The following DENND6A variants were observed in gnomAD, a reference collection of about 807,000 sequenced individuals.
The protein encoded by DENND6A is DENN domain containing 6A.
A neutral mutation model predicts 95.5 loss-of-function variants in DENND6A; 43 were observed. The observed-to-expected ratio is 0.45, with a 90% CI of 0.35 to 0.58. The LOEUF (loss-of-function observed/expected upper bound fraction) is 0.58, where lower values mean the gene tolerates loss of function less well. Among genes scored for constraint, DENND6A ranks in the 20% least tolerant of loss-of-function variants. The pLI is 0.00. For missense variants in DENND6A, 574 were observed against 736.0 expected, an observed-to-expected ratio of 0.78 and a Z score of 2.55; for synonymous variants, 257 against 260.4, an observed-to-expected ratio of 0.99 and a Z score of 0.13.
At chr3:57,656,488 C>A (rs571685423) in intron 9 of DENND6A, among the ~76,000 whole-genome samples, 34 of 152,218 alleles carry the variant, frequency 2.2e-4, no homozygotes, top group Middle Eastern at 6.8e-3. Flanking sequence ...ACTATATAGA[C>A]ATTTGCATAC....
intron 3 of DENND6A, among the ~76,000 whole-genome samples, chr3:57,670,017 C>T (rs1330846830): frequency 1.1e-5 from 1 of 93,186 alleles, no homozygotes; most frequent in Non-Finnish European, 1.9e-5. Context: ...AAAACTCCAT[C>T]TCAAAAAAAA....
In DENND6A at chr3:57,628,303, T is replaced by G; in HGVS notation, c.1738A>C (p.Met580Leu). ...REHLPVKPDT[M>L]EKLRTHIDAI... is the part of the protein sequence containing the mutation. ...TCTATGTGTGTCCGTAACTTTTCCA[T>G]AGTGTCAGGTTTCACAGGTAAGTGC... The change falls in exon 20 of 20, where the codon ATG becomes CTG. Residue 580 changes from methionine (M) to leucine (L), a missense_variant. Met to Leu is a conservative substitution (Grantham distance 15). Around this residue, in one of 2 missense-constraint regions of DENND6A, gnomAD observed 452 missense variants for 630.9 expected, o/e 0.72. Transcript: ENST00000311128. The G allele has an allele frequency of 1.2e-6, 2 of 1,614,204 alleles. No homozygotes were observed. Among genetic ancestry groups the G allele is most frequent in the Non-Finnish European group, 1.7e-6 (2 of 1,180,026 alleles).
intron 12 of DENND6A, among the ~76,000 whole-genome samples, chr3:57,640,019 C>A (rs1177509807): frequency 6.6e-6 from 1 of 152,088 alleles, no homozygotes; most frequent in Non-Finnish European, 1.5e-5. Context: ...AGCCTGTAAT[C>A]CCAGCACTTT....
chr3:57,635,084 A>G (rs569484927), intron 12 of DENND6A, among the ~76,000 whole-genome samples: 49 of 152,338 alleles, frequency 3.2e-4, no homozygotes, highest in Non-Finnish European at 3.1e-4. Flanking sequence ...CTATATGCCA[A>G]ATACATAAAA....
At chr3:57,669,168 G>A (rs1453732934) in intron 3 of DENND6A, among the ~76,000 whole-genome samples, 3 of 152,118 alleles carry the variant, frequency 2.0e-5, no homozygotes, top group East Asian at 1.9e-4. Flanking sequence ...AACTGCACCC[G>A]GCCTCCAATT....
At chr3:57,687,642 T>C (rs749607847) in intron 1 of DENND6A, among the ~76,000 whole-genome samples, 23 of 152,108 alleles carry the variant, frequency 1.5e-4, no homozygotes, top group Non-Finnish European at 2.9e-4. Flanking sequence ...TTTCAAAGGA[T>C]AGGATGACAG....
rs200796051 is a variant in DENND6A, at chr3:57,637,917, C to G, written c.1133-3148G>C. ...TTGGGAGGCTGAGGTGAGTGGATCA[C>G]GAGGTCAGGAATTCGAGACCAGCCT... On this transcript the variant is annotated intron_variant, in intron 12 of 19. Coordinates refer to ENST00000311128, the MANE Select transcript of DENND6A (RefSeq NM_152678.3). Among the ~76,000 whole-genome samples, 19 of 152,014 alleles carry G rather than the reference C, an allele frequency of 1.2e-4. No individual in the cohort carries two copies. In the East Asian group the frequency reaches 3.5e-3, roughly 28 times the overall value.
In DENND6A at chr3:57,659,188, A is replaced by G; in HGVS notation, c.700-8T>C. 6.2e-7 allele frequency: 1 copy of G among 1,613,926 alleles called. No homozygotes were observed. The highest frequency in any genetic ancestry group is 8.5e-7 in the Non-Finnish European group (1 of 1,179,870). On this transcript the variant is annotated splice_region_variant and splice_polypyrimidine_tract_variant and intron_variant, in intron 7 of 19. Coordinates refer to ENST00000311128, the MANE Select transcript of DENND6A (RefSeq NM_152678.3). ...ACATGTGGGAATCCGTACCTAAAAGAAAGACAGGAAATTATTTTTGGTTAT... is the reference window on the plus strand; with the variant it reads ...ACATGTGGGAATCCGTACCTAAAAGGAAGACAGGAAATTATTTTTGGTTAT...
intron 3 of DENND6A, among the ~76,000 whole-genome samples, chr3:57,671,976 C>T (rs552441736): frequency 6.6e-6 from 1 of 152,170 alleles, no homozygotes; most frequent in Non-Finnish European, 1.5e-5. Context: ...ACATACTCCA[C>T]GAATCCCAAA....
intron 1 of DENND6A, among the ~76,000 whole-genome samples, chr3:57,682,130 GA>G (rs1210613336): frequency 6.6e-6 from 1 of 151,688 alleles, no homozygotes; most frequent in East Asian, 1.9e-4. Context: ...ATCTTTCAAA[GA>G]AAAATTATGT....
intron 3 of DENND6A, among the ~76,000 whole-genome samples, chr3:57,666,827 C>T (rs956533424): frequency 6.6e-6 from 1 of 152,078 alleles, no homozygotes; most frequent in Non-Finnish European, 1.5e-5. Context: ...AAATAAAATT[C>T]CCCAATTTGA....
intron 9 of DENND6A, among the ~76,000 whole-genome samples, chr3:57,651,179 T>C (rs953485512): frequency 2.6e-5 from 4 of 152,226 alleles, no homozygotes; most frequent in African/African-American, 9.6e-5. Flanking sequence ...CTTTATGATG[T>C]TGCAAAAGCA....
In DENND6A at chr3:57,628,792, G is replaced by A; in HGVS notation, c.1695+19C>T. 1 of 1,604,274 alleles carries A rather than the reference G, an allele frequency of 6.2e-7. No individual in the cohort carries two copies. Among genetic ancestry groups the A allele is most frequent in the Non-Finnish European group, 8.5e-7 (1 of 1,176,572 alleles). ...TCAAAGAAAAGTCAATTTAATCTTTGGCTGTTTTGGCTACATACCAGCTTA... is the reference window on the plus strand; with the variant it reads ...TCAAAGAAAAGTCAATTTAATCTTTAGCTGTTTTGGCTACATACCAGCTTA... On this transcript the variant is annotated intron_variant, in intron 19 of 19. Coordinates refer to ENST00000311128, the MANE Select transcript of DENND6A (RefSeq NM_152678.3).
At chr3:57,640,097 C>A (rs540527316) in intron 12 of DENND6A, among the ~76,000 whole-genome samples, 1 of 151,430 alleles carries the variant, frequency 6.6e-6, no homozygotes, top group African/African-American at 2.4e-5. Context: ...GGTGAAACCC[C>A]GTCTCTACTA....
intron 9 of DENND6A, among the ~76,000 whole-genome samples, chr3:57,647,752 G>A (rs944539286): frequency 3.3e-4 from 50 of 151,750 alleles, no homozygotes; most frequent in African/African-American, 1.2e-3. Context: ...GGCTTGACCT[G>A]GTGTTGAGAG....
In DENND6A at chr3:57,657,501, C is replaced by T. The variant is rs143788662; in HGVS notation, c.818+179G>A. 394 of 370,150 alleles carry T rather than the reference C, an allele frequency of 1.1e-3. 1 individual carries two copies. Among genetic ancestry groups the T allele is most frequent in the African/African-American group, 7.9e-3 (372 of 47,218 alleles). The allele number at this position is 370,150 out of a possible 1,614,324, so 22.9% of individuals were successfully genotyped here. The stretch of plus-strand genomic sequence containing the variant: ...AATACATATTCTATATTTAAATTTC[C>T]CTAATTGTCAAAGCTTATAACATGT... On this transcript the variant is annotated intron_variant, in intron 9 of 19. Coordinates refer to ENST00000311128, the MANE Select transcript of DENND6A (RefSeq NM_152678.3).
At chr3:57,683,721 C>T (rs1364948562) in intron 1 of DENND6A, among the ~76,000 whole-genome samples, 1 of 152,134 alleles carries the variant, frequency 6.6e-6, no homozygotes. Context: ...TAGCATTTCA[C>T]ATCTTCTTTG....
At chr3:57,691,343 C>G (rs914703681) in intron 1 of DENND6A, among the ~76,000 whole-genome samples, 1 of 152,170 alleles carries the variant, frequency 6.6e-6, no homozygotes, top group African/African-American at 2.4e-5. Context: ...CCTATTCTAT[C>G]AAAAGTATTT....
At chr3:57,686,362 T>C (rs542824592) in intron 1 of DENND6A, among the ~76,000 whole-genome samples, 1 of 152,360 alleles carries the variant, frequency 6.6e-6, no homozygotes, top group South Asian at 2.1e-4. Context: ...CATAAGATTA[T>C]AACTGCTCTC....
Sources: allele counts gnomAD v4.1 joint callset (sites outside exome capture counted in the v4.1 genomes callset), GRCh38; gene constraint gnomAD v4.1.1; regional missense constraint gnomAD v4.1.1; transcripts MANE v1.5; gene names NCBI Gene and HGNC (gene_info 2026-07-23, HGNC 2026-07-21).